Variants in MBTD1 observed in about 807,000 individuals in gnomAD.
MBTD1 encodes the protein MBT domain-containing protein 1.
In MBTD1, 24 loss-of-function variants were observed where a neutral mutation model predicts 87.8. The ratio of observed to expected loss-of-function variants is 0.27; its 90% CI spans 0.20 to 0.38. MBTD1 has a LOEUF of 0.38. Ranked by LOEUF, MBTD1 falls within the 10% of genes least tolerant of loss-of-function variation. The probability of loss-of-function intolerance (pLI) is 1.00; values close to 1 mark genes in which losing one functional copy is unlikely to be tolerated. For synonymous variants in MBTD1, 237 were observed against 248.6 expected, an observed-to-expected ratio of 0.95 and a Z score of 0.44; for missense variants, 436 against 760.2, an observed-to-expected ratio of 0.57 and a Z score of 5.02.
chr17:51,259,098 G>C (rs1598461177), intron 2 of MBTD1, 45 bp downstream of exon 2: 1 of 415,344 alleles, frequency 2.4e-6, no homozygotes, highest in East Asian at 3.6e-5. Context: ...GCAGTAGTGA[G>C]CTCTCAGTGC....
chr17:51,258,070 T>C (rs1202537691), intron 2 of MBTD1, among the ~76,000 whole-genome samples: 1 of 142,370 alleles, frequency 7.0e-6, no homozygotes, highest in East Asian at 2.1e-4. Context: ...GGTAAACAAA[T>C]GAAAAATAAA....
intron 2 of MBTD1, among the ~76,000 whole-genome samples, chr17:51,241,383 T>C (rs905370251): frequency 7.2e-5 from 11 of 152,194 alleles, no homozygotes; most frequent in African/African-American, 2.7e-4. Flanking sequence ...ATAATGCAAA[T>C]ATTCAGCTCA....
intron 6 of MBTD1, among the ~76,000 whole-genome samples, chr17:51,217,100 C>T (rs1374287858): frequency 6.6e-6 from 1 of 152,012 alleles, no homozygotes; most frequent in Admixed American, 6.6e-5. Flanking sequence ...AAGACTAGTA[C>T]TTCTCCCTGT....
Position 51,238,129 on chromosome 17 carries a change from T to C in MBTD1, c.-48-12920A>G, listed in dbSNP as rs567456770. On this transcript the variant is annotated intron_variant, in intron 2 of 16. Coordinates refer to ENST00000586178, the MANE Select transcript of MBTD1 (RefSeq NM_017643.3). Reference sequence around the variant, plus strand: ...GGAAAAGGGGAGTTATAAAGGAGCATGAGGAAACTTTTAGAGATGAGGATT... The same window carrying C: ...GGAAAAGGGGAGTTATAAAGGAGCACGAGGAAACTTTTAGAGATGAGGATT... 3.3e-5 allele frequency among the ~76,000 whole-genome samples: 5 copies of C among 152,162 alleles called. No homozygotes were observed. The South Asian group carries it at 1.0e-3, about 32-fold the overall frequency.
At chr17:51,191,423 G>A (rs765108898) in intron 16 of MBTD1, among the ~76,000 whole-genome samples, 1 of 151,344 alleles carries the variant, frequency 6.6e-6, no homozygotes, top group Admixed American at 6.6e-5. Flanking sequence ...CACCACACCC[G>A]GCTAATTTTT....
Position 51,177,599 on chromosome 17 carries a change from C to T in MBTD1, c.*2977G>A, listed in dbSNP as rs1007355415. On this transcript the variant is annotated 3_prime_UTR_variant, in exon 17 of 17. Transcript: ENST00000586178. ...GGAATTTTTCACGCCATTATATATA[C>T]ACTTCATGAGAAAGTTTCAAACACT... 2.6e-5 allele frequency: 4 copies of T among 152,114 alleles called. No individual in the cohort carries two copies. The highest frequency in any genetic ancestry group is 9.7e-5 in the African/African-American group (4 of 41,418). 9.4% of individuals were successfully genotyped at this position (152,114 alleles called of 1,614,324 possible).
chr17:51,225,493 A>G (rs2053160326), intron 2 of MBTD1, among the ~76,000 whole-genome samples: 1 of 151,198 alleles, frequency 6.6e-6, no homozygotes, highest in Non-Finnish European at 1.5e-5. Context: ...CTGGGACTAC[A>G]GGCAAGTGCC....
At chr17:51,219,505 T>C (rs2052763955) in intron 4 of MBTD1, among the ~76,000 whole-genome samples, 1 of 152,180 alleles carries the variant, frequency 6.6e-6, no homozygotes, top group African/African-American at 2.4e-5. Flanking sequence ...AAAATGATCA[T>C]GGGCCAAATT....
chr17:51,179,672 T>C lies in MBTD1; in HGVS notation c.*904A>G, dbSNP rs1376110593. 1 of 151,436 alleles carries C rather than the reference T, an allele frequency of 6.6e-6. No individual in the cohort carries two copies. The highest frequency in any genetic ancestry group is 1.5e-5 in the Non-Finnish European group (1 of 67,834). 9.4% of individuals were successfully genotyped at this position (151,436 alleles called of 1,614,324 possible). On this transcript the variant is annotated 3_prime_UTR_variant, in exon 17 of 17. Coordinates refer to ENST00000586178, the MANE Select transcript of MBTD1 (RefSeq NM_017643.3). ...ATAACTTTCAATTCGATTCTCCTAATACAGAACATCTGTTTTTGGTTGTGG... is the reference window on the plus strand; with the variant it reads ...ATAACTTTCAATTCGATTCTCCTAACACAGAACATCTGTTTTTGGTTGTGG...
At chr17:51,255,832 A>G (rs535809472) in intron 2 of MBTD1, among the ~76,000 whole-genome samples, 2 of 152,136 alleles carry the variant, frequency 1.3e-5, no homozygotes, top group South Asian at 2.1e-4. Context: ...TCCTGGGTTC[A>G]AGCAATCTGC....
chr17:51,208,838 T>C (rs2143307960), intron 6 of MBTD1, among the ~76,000 whole-genome samples: 1 of 152,356 alleles, frequency 6.6e-6, no homozygotes, highest in East Asian at 1.9e-4. Flanking sequence ...TTTAATATTA[T>C]TTTATTAAAG....
Position 51,180,566 on chromosome 17 carries a change from C to G in MBTD1, c.*10G>C, listed in dbSNP as rs12940784. 2 of 1,487,654 alleles carry G rather than the reference C, an allele frequency of 1.3e-6. No individual in the cohort carries two copies. The highest frequency in any genetic ancestry group is 1.4e-5 in the African/African-American group (1 of 71,432). 92.2% of individuals were successfully genotyped at this position (1,487,654 alleles called of 1,614,324 possible). ...ATCCTTCCCCACCCGCCCTCAGTTT[C>G]TAAGCCACCTCATGGCTCTTGTTTG... On this transcript the variant is annotated 3_prime_UTR_variant, in exon 17 of 17. Transcript: ENST00000586178.
chr17:51,225,015 A>G lies in MBTD1; in HGVS notation c.147T>C (p.Ser49=). The change falls in exon 3 of 17, where the codon TCT becomes TCC. Residue 49 remains serine, a synonymous_variant. Transcript: ENST00000586178. ...GQVYTYPDGK[S]GMATCEMCGM... is the part of the protein sequence containing the mutation. ...AAGGTTATAAATACTCACCCATGCC[A>G]GATTTACCATCTGGGTATGTGTAGA... The G allele has an allele frequency of 2.6e-6, 4 of 1,546,422 alleles. No individual in the cohort carries two copies. The highest frequency in any genetic ancestry group is 3.5e-6 in the Non-Finnish European group (4 of 1,144,224).
chr17:51,236,056 T>C (rs2053813583), intron 2 of MBTD1, among the ~76,000 whole-genome samples: 1 of 152,144 alleles, frequency 6.6e-6, no homozygotes, highest in Non-Finnish European at 1.5e-5. Context: ...GGTCTATATA[T>C]AGATATCTAT....
chr17:51,260,502 CGGCGGCGGCGGCCCGCGAGGGGCCTG>C (rs1449640770), upstream of MBTD1: 2 of 1,428,492 alleles, frequency 1.4e-6, no homozygotes, highest in African/African-American at 2.9e-5. Flanking sequence ...CCCGGGGCTT[CGGCGGCGGCGGCCCGCGAGGGGCCTG>C]GGCGCATGCG....
At chr17:51,259,602 T>G (rs2055336194) in intron 1 of MBTD1, among the ~76,000 whole-genome samples, 1 of 139,756 alleles carries the variant, frequency 7.2e-6, no homozygotes. Flanking sequence ...TTCCAAAGGG[T>G]GGAGGAGATG....
intron 16 of MBTD1, among the ~76,000 whole-genome samples, chr17:51,182,655 GGTAACCACCA>G (rs2050369311): frequency 1.3e-5 from 2 of 152,220 alleles, no homozygotes; most frequent in South Asian, 4.2e-4. Flanking sequence ...TACTCACACA[GGTAACCACCA>G]GCCCCTGCAG....
intron 6 of MBTD1, among the ~76,000 whole-genome samples, chr17:51,216,523 T>TGCACATATTTTAG: frequency 6.6e-6 from 1 of 152,294 alleles, no homozygotes; most frequent in Non-Finnish European, 1.5e-5. Context: ...TCTCATGATA[T>TGCACATATTTTAG]ATATATATAG....
At chr17:51,236,766 A>G (rs1341317087) in intron 2 of MBTD1, among the ~76,000 whole-genome samples, 1 of 91,896 alleles carries the variant, frequency 1.1e-5, no homozygotes, top group African/African-American at 5.1e-5. Flanking sequence ...AAGGCAATTT[A>G]GTGGAGAAAA....
Sources: gnomAD v4.1 joint callset for allele counts (sites outside exome capture counted in the v4.1 genomes callset) on GRCh38, gnomAD v4.1.1 for gene constraint, MANE v1.5 for transcripts, NCBI Gene and HGNC (gene_info 2026-07-23, HGNC 2026-07-21) for gene names.